Variants in TRPM8 observed in about 807,000 individuals in gnomAD.
The protein encoded by TRPM8 is TRPM8 cationic channel.
Under a neutral mutation model 133.7 loss-of-function variants are expected in TRPM8, and 110 were observed. That is an observed-to-expected ratio of 0.82 (90% CI 0.70 to 0.96). The LOEUF is 0.96. TRPM8 is among the 40% of genes least tolerant of loss of function. The pLI, the probability that TRPM8 is intolerant of heterozygous loss-of-function variation, is 0.00. For synonymous variants in TRPM8, 535 were observed against 532.3 expected, an observed-to-expected ratio of 1.01 and a Z score of -0.07; for missense variants, 1,291 against 1,379.5, an observed-to-expected ratio of 0.94 and a Z score of 1.02.
intron 21 of TRPM8, among the ~76,000 whole-genome samples, chr2:233,991,410 G>A (rs1360709587): frequency 6.6e-6 from 1 of 152,168 alleles, no homozygotes; most frequent in African/African-American, 2.4e-5. Context: ...GGGGAACCAG[G>A]ATGTGTTACA....
rs1691676941 is a variant in TRPM8 at position 233,970,207 on chromosome 2, C to G, written c.2139-3C>G. On this transcript the variant is annotated splice_polypyrimidine_tract_variant and splice_region_variant and intron_variant, in intron 16 of 25. Transcript: ENST00000324695. ...CTGACGATGCCCTTATCTCTGGGTCCAGGAAGAAACCTGTCGACAAGCACA... is the reference window on the plus strand; with the variant it reads ...CTGACGATGCCCTTATCTCTGGGTCGAGGAAGAAACCTGTCGACAAGCACA... 6.2e-7 allele frequency: 1 copy of G among 1,614,026 alleles called. No homozygotes were observed. The highest frequency in any genetic ancestry group is 8.5e-7 in the Non-Finnish European group (1 of 1,179,916).
At chr2:233,936,891 CTTTTTTTT>C (rs5839499) in intron 3 of TRPM8, among the ~76,000 whole-genome samples, 2 of 101,328 alleles carry the variant, frequency 2.0e-5, no homozygotes, top group Admixed American at 2.1e-4. Flanking sequence ...TCTTTCTTTC[CTTTTTTTT>C]TTTTTTTTTT....
rs142294414 is a variant in TRPM8 at position 233,935,042 on chromosome 2, T to A, written c.192-2311T>A. ...CATGAACAGCTATGTATACTTAAGC[T>A]TGTATTCTGGAAGGAAAACATATCT... On this transcript the variant is annotated intron_variant, in intron 3 of 25. Coordinates refer to ENST00000324695, the MANE Select transcript of TRPM8 (RefSeq NM_024080.5). Among the ~76,000 whole-genome samples, 365 of 152,384 alleles carry A rather than the reference T, an allele frequency of 2.4e-3. 2 individuals carry two copies. Among genetic ancestry groups the A allele is most frequent in the African/African-American group, 7.8e-3 (323 of 41,600 alleles).
At chr2:233,959,419 C>A (rs1320072346) in intron 11 of TRPM8, among the ~76,000 whole-genome samples, 1 of 150,196 alleles carries the variant, frequency 6.7e-6, no homozygotes, top group Non-Finnish European at 1.5e-5. Context: ...CTCTGCCTCC[C>A]AGGTTCAAGC....
At chr2:233,941,741 G>T (rs1279035544) in intron 5 of TRPM8, among the ~76,000 whole-genome samples, 3 of 151,968 alleles carry the variant, frequency 2.0e-5, no homozygotes, top group African/African-American at 7.3e-5. Context: ...GCTGCCCCCC[G>T]CCGCAATAAA....
At chr2:233,983,374 C>T (rs1692063302) in intron 20 of TRPM8, 150 bp downstream of exon 20, 2 of 795,826 alleles carry the variant, frequency 2.5e-6, no homozygotes, top group African/African-American at 3.4e-5. Flanking sequence ...TCCTCAAAAC[C>T]TCTTCTTTGC....
At chr2:233,963,581 C>A (rs1574731656) in intron 13 of TRPM8, among the ~76,000 whole-genome samples, 1 of 152,160 alleles carries the variant, frequency 6.6e-6, no homozygotes, top group South Asian at 2.1e-4. Context: ...GCTTGGGGGG[C>A]AGTCCAGTAG....
intron 21 of TRPM8, among the ~76,000 whole-genome samples, chr2:233,991,214 T>C (rs767931919): frequency 6.6e-6 from 1 of 152,214 alleles, no homozygotes; most frequent in Non-Finnish European, 1.5e-5. Context: ...GACTTTTTCC[T>C]GAAGTTGAAG....
At chr2:233,939,267 G>T in intron 5 of TRPM8, 92 bp downstream of exon 5, 1 of 1,384,368 alleles carries the variant, frequency 7.2e-7, no homozygotes, top group Non-Finnish European at 9.9e-7. Context: ...CAATTCCGGA[G>T]AATCCGGGTG....
chr2:233,920,855 A>ATTTT (rs10685994), intron 1 of TRPM8, among the ~76,000 whole-genome samples: 7 of 129,292 alleles, frequency 5.4e-5, no homozygotes, highest in African/African-American at 1.8e-4. Context: ...AGATTTCACC[A>ATTTT]TTTTTTTTTT....
At chr2:233,939,240 A>G (rs1237953926) in intron 5 of TRPM8, 65 bp downstream of exon 5, 2 of 1,562,784 alleles carry the variant, frequency 1.3e-6, no homozygotes, top group Non-Finnish European at 1.7e-6. Context: ...GGGAGCAGAG[A>G]AGGCAGTTCC....
intron 14 of TRPM8, among the ~76,000 whole-genome samples, chr2:233,965,076 T>G (rs1691534580): frequency 6.7e-6 from 1 of 149,376 alleles, no homozygotes. Context: ...TGTTTCTGGA[T>G]GCCGTTACAA....
chr2:233,982,432 T>G (rs890403837), intron 19 of TRPM8, among the ~76,000 whole-genome samples: 5 of 152,200 alleles, frequency 3.3e-5, no homozygotes, highest in African/African-American at 1.2e-4. Flanking sequence ...AAACTTGTTT[T>G]CCAGATGACC....
chr2:233,966,510 G>C (rs1248681682), intron 14 of TRPM8, 100 bp from the exon 15 acceptor site: 73 of 1,446,488 alleles, frequency 5.0e-5, no homozygotes, highest in Non-Finnish European at 6.9e-5. Flanking sequence ...TCACGCACAG[G>C]CTATTTTTGG....
chr2:233,987,465 A>C (rs1484111525), intron 21 of TRPM8, among the ~76,000 whole-genome samples: 1 of 152,216 alleles, frequency 6.6e-6, no homozygotes, highest in Non-Finnish European at 1.5e-5. Context: ...AGGACTACAG[A>C]TGAGGGTCAC....
At chr2:233,927,754 C>G (rs1691554906) in intron 2 of TRPM8, among the ~76,000 whole-genome samples, 1 of 66,922 alleles carries the variant, frequency 1.5e-5, no homozygotes, top group Non-Finnish European at 2.3e-5. Context: ...TTCTTTCTTT[C>G]TTTCTTTCTT....
In TRPM8 at chr2:233,937,466, C is replaced by G. The variant is rs754492177; in HGVS notation, c.305C>G (p.Ala102Gly). ...KKHTKEFPTDAFGDIQFETLG... is the reference protein window; with the variant it reads ...KKHTKEFPTDGFGDIQFETLG... ...CACACCAAGGAATTTCCTACCGACG[C>G]CTTTGGGGATATTCAGTTTGAGACA... Residue 102 changes from alanine to glycine, a missense_variant, in exon 4 of 26, where the codon GCC (alanine) becomes GGC (glycine). Transcript: ENST00000324695. 2.5e-6 allele frequency: 4 copies of G among 1,614,036 alleles called. No individual in the cohort carries two copies. Among genetic ancestry groups the G allele is most frequent in the African/African-American group, 1.3e-5 (1 of 75,002 alleles).
At position 233,950,164 on chromosome 2, in the gene TRPM8, T is replaced by G. The variant is rs753309783; in HGVS notation, c.1140+18T>G. On this transcript the variant is annotated intron_variant, in intron 9 of 25. Transcript: ENST00000324695. ...TCAAATGGGTAAGTTGTCGGGACCA[T>G]GTCTGAGGGCTGAGAAAATAAGACA... 1 of 1,607,350 alleles carries G rather than the reference T, an allele frequency of 6.2e-7. No homozygotes were observed. Among genetic ancestry groups the G allele is most frequent in the South Asian group, 1.1e-5 (1 of 90,150 alleles).
chr2:234,005,852 A>G (rs1029894263), intron 22 of TRPM8, among the ~76,000 whole-genome samples: 4 of 150,574 alleles, frequency 2.7e-5, no homozygotes, highest in Admixed American at 6.6e-5. Context: ...CTGAGGTTGC[A>G]GGGAGGCAGA....
Sources: allele counts gnomAD v4.1 joint callset (sites outside exome capture counted in the v4.1 genomes callset), GRCh38; gene constraint gnomAD v4.1.1; transcripts MANE v1.5; gene names NCBI Gene and HGNC (gene_info 2026-07-23, HGNC 2026-07-21).